TBL1X: variants seen among roughly 807,000 people sequenced by gnomAD.
TBL1X encodes the protein transducin beta like 1 X-linked, also known as F-box-like/WD repeat-containing protein TBL1X.
In TBL1X, 10 loss-of-function variants were observed where a neutral mutation model predicts 50.7. That is an observed-to-expected ratio of 0.20 (90% CI 0.12 to 0.33). The LOEUF (loss-of-function observed/expected upper bound fraction) is 0.33, where lower values mean the gene tolerates loss of function less well. TBL1X is among the 10% of genes least tolerant of loss of function. The pLI, the probability that TBL1X is intolerant of heterozygous loss-of-function variation, is 1.00. For missense variants in TBL1X, 340 were observed against 504.4 expected, an observed-to-expected ratio of 0.67 and a Z score of 3.12; for synonymous variants, 190 against 214.7, an observed-to-expected ratio of 0.88 and a Z score of 1.01.
At chrX:9,627,280 G>A (rs1010321422) in intron 2 of TBL1X, among the ~76,000 whole-genome samples, 2 of 111,780 alleles carry the variant, frequency 1.8e-5, no homozygotes, top group Non-Finnish European at 3.8e-5. Flanking sequence ...TCTTCATGGA[G>A]CTCGGTCTCC....
At chrX:9,623,670 G>A (rs2082678509) in intron 2 of TBL1X, among the ~76,000 whole-genome samples, 1 of 111,218 alleles carries the variant, frequency 9.0e-6, no homozygotes, top group Non-Finnish European at 1.9e-5. Flanking sequence ...CTAGGCAACA[G>A]AGTGAGACCC....
chrX:9,499,219 C>G (rs1273775140), intron 1 of TBL1X, among the ~76,000 whole-genome samples: 1 of 111,791 alleles, frequency 8.9e-6, no homozygotes, highest in African/African-American at 3.3e-5. Context: ...CCAACGTGAT[C>G]AGTGTCCTTC....
At chrX:9,557,084 A>G (rs2082304493) in intron 2 of TBL1X, among the ~76,000 whole-genome samples, 1 of 111,922 alleles carries the variant, frequency 8.9e-6, no homozygotes, top group Non-Finnish European at 1.9e-5. Context: ...TAAGTTGTTC[A>G]TGGTTTCTGG....
chrX:9,505,258 G>T (rs763749123), intron 2 of TBL1X, among the ~76,000 whole-genome samples: 2 of 111,844 alleles, frequency 1.8e-5, no homozygotes, highest in African/African-American at 6.5e-5. Flanking sequence ...GAGGGATTTT[G>T]TTACCACTAG....
intron 1 of TBL1X, among the ~76,000 whole-genome samples, chrX:9,476,510 C>T (rs1432103875): frequency 8.9e-6 from 1 of 112,196 alleles, no homozygotes; most frequent in African/African-American, 3.2e-5. Context: ...GAGAATGACC[C>T]TAAGTCGGCT....
At chrX:9,584,197 G>A in intron 2 of TBL1X, among the ~76,000 whole-genome samples, 1 of 112,123 alleles carries the variant, frequency 8.9e-6, no homozygotes, top group East Asian at 2.8e-4. Context: ...ACCTAGAATT[G>A]TCACTTCTTG....
chrX:9,704,789 G>A (rs2083197331), intron 12 of TBL1X, among the ~76,000 whole-genome samples: 1 of 111,950 alleles, frequency 8.9e-6, no homozygotes, highest in South Asian at 3.7e-4. Context: ...TGAGGTGGGT[G>A]GATCCCTTGA....
At chrX:9,646,822 C>G (rs2082807178) in intron 3 of TBL1X, among the ~76,000 whole-genome samples, 1 of 112,256 alleles carries the variant, frequency 8.9e-6, no homozygotes, top group African/African-American at 3.2e-5. Flanking sequence ...AAAGCTTCCC[C>G]TCCAGTGATG....
At chrX:9,620,459 A>C (rs770204245) in intron 2 of TBL1X, among the ~76,000 whole-genome samples, 1 of 112,648 alleles carries the variant, frequency 8.9e-6, no homozygotes, top group Non-Finnish European at 1.9e-5. Context: ...GAACAAAGAA[A>C]CAAAATAATC....
chrX:9,680,365 C>T (rs1323304352), intron 5 of TBL1X, among the ~76,000 whole-genome samples: 2 of 112,397 alleles, frequency 1.8e-5, no homozygotes, highest in East Asian at 5.6e-4. Context: ...AACCTTTCCA[C>T]TCACTGTGGT....
At chrX:9,567,148 G>T (rs1192119344) in intron 2 of TBL1X, among the ~76,000 whole-genome samples, 1 of 111,593 alleles carries the variant, frequency 9.0e-6, no homozygotes, top group Non-Finnish European at 1.9e-5. Flanking sequence ...CCTCTGCCAG[G>T]GGCGTGTACC....
chrX:9,644,237 A>G (rs945360417), intron 3 of TBL1X, among the ~76,000 whole-genome samples: 2 of 112,073 alleles, frequency 1.8e-5, no homozygotes, highest in Admixed American at 1.9e-4. Flanking sequence ...ATAGGTCATA[A>G]TGGATCTGGA....
At chrX:9,554,769 A>G (rs1006137788) in intron 2 of TBL1X, among the ~76,000 whole-genome samples, 4 of 112,180 alleles carry the variant, frequency 3.6e-5, no homozygotes, top group Admixed American at 9.5e-5. Flanking sequence ...TACATACCAT[A>G]AAATTCCCCT....
intron 2 of TBL1X, among the ~76,000 whole-genome samples, chrX:9,508,391 C>T (rs1436928803): frequency 8.9e-6 from 1 of 112,115 alleles, no homozygotes; most frequent in Non-Finnish European, 1.9e-5. Flanking sequence ...CAATGAGATA[C>T]CATCTCATGC....
In TBL1X at chrX:9,680,801, C is replaced by T. The variant is rs181519919; in HGVS notation, c.212-3242C>T. 3.6e-5 allele frequency among the ~76,000 whole-genome samples: 4 copies of T among 111,842 alleles called. No individual in the cohort carries two copies. The East Asian group carries it at 1.1e-3, about 32-fold the overall frequency. ...GCCTAATTTCCAGTCATGACCTACC[C>T]TCTCCAAAAGAGGACCCAAGCTGAT... On this transcript the variant is annotated intron_variant, in intron 5 of 17. Transcript: ENST00000645353.
At position 9,465,066 on chromosome X, in the gene TBL1X, G is replaced by C. The variant is rs1264755769; in HGVS notation, c.-582G>C. ...TCCTGGCTGGGGTCCGCGCGCTCGC[G>C]GCAGCTCCCCGTGGAGGTCACTGTC... On this transcript the variant is annotated 5_prime_UTR_variant, in exon 1 of 18. Coordinates refer to ENST00000645353, the MANE Select transcript of TBL1X (RefSeq NM_005647.4). 9.2e-6 allele frequency: 1 copy of C among 108,925 alleles called. No homozygotes were observed. Among genetic ancestry groups the C allele is most frequent in the East Asian group, 3.0e-4 (1 of 3,311 alleles). The allele number at this position is 108,925 out of a possible 1,213,427, so 9.0% of individuals were successfully genotyped here.
chrX:9,714,065 T>A (rs972502725), intron 16 of TBL1X, among the ~76,000 whole-genome samples: 2 of 111,401 alleles, frequency 1.8e-5, no homozygotes, highest in Non-Finnish European at 3.8e-5. Flanking sequence ...TCCTCCCGCC[T>A]CGGCCTCCCA....
intron 2 of TBL1X, among the ~76,000 whole-genome samples, chrX:9,559,656 A>G (rs1388386948): frequency 1.8e-5 from 2 of 111,991 alleles, no homozygotes; most frequent in Admixed American, 9.5e-5. Context: ...TAGTGGGCTT[A>G]AAGTTACATT....
intron 5 of TBL1X, among the ~76,000 whole-genome samples, chrX:9,663,002 A>G (rs1361918866): frequency 9.0e-6 from 1 of 111,501 alleles, no homozygotes; most frequent in African/African-American, 3.3e-5. Context: ...ATTTTATGTT[A>G]TATATATTTT....
Sources: allele counts gnomAD v4.1 joint callset (sites outside exome capture counted in the v4.1 genomes callset), GRCh38; gene constraint gnomAD v4.1.1; transcripts MANE v1.5; gene names NCBI Gene and HGNC (gene_info 2026-07-23, HGNC 2026-07-21).